The following SLC44A5 variants were observed in gnomAD, a reference collection of about 807,000 sequenced individuals.
The protein encoded by SLC44A5 is choline transporter-like protein 5.
Under a neutral mutation model 101.8 loss-of-function variants are expected in SLC44A5, and 57 were observed. That is an observed-to-expected ratio of 0.56 (90% confidence interval 0.45 to 0.70). The LOEUF (loss-of-function observed/expected upper bound fraction) is 0.70, where lower values mean the gene tolerates loss of function less well. Ranked by LOEUF, SLC44A5 falls within the 30% of genes least tolerant of loss-of-function variation. The probability of loss-of-function intolerance (pLI) is 0.00; values close to 1 mark genes in which losing one functional copy is unlikely to be tolerated. For missense variants in SLC44A5, 737 were observed against 853.1 expected (o/e 0.86, Z 1.70); for synonymous variants, 281 against 290.9 (o/e 0.97, Z 0.35).
chr1:75,244,775 G>C (rs532495398), intron 7 of SLC44A5, among the ~76,000 whole-genome samples: 1 of 152,172 alleles, frequency 6.6e-6, no homozygotes, highest in Non-Finnish European at 1.5e-5. Context: ...AATCAGAGGA[G>C]ATACACTATT....
At chr1:75,515,475 G>A (rs1002997865) in intron 2 of SLC44A5, among the ~76,000 whole-genome samples, 6 of 151,894 alleles carry the variant, frequency 4.0e-5, no homozygotes, top group South Asian at 4.2e-4. Context: ...TCTACCTTCC[G>A]CTTCTGTTAG....
In SLC44A5 at chr1:75,219,808, C is replaced by T. The variant is rs769375914; in HGVS notation, c.1170G>A (p.Val390=). The part of the protein sequence containing the change: ...LLSICICYWV[V]TAVFLATSGV... ...CAATTACCAAAGGATACACTGCTGT[C>T]ACGACCCAGTAGCAAATGCAGATTG... is the stretch of plus-strand genomic sequence containing the variant. Residue 390 remains valine, a synonymous_variant, in exon 15 of 24, where the codon GTG becomes GTA. Coordinates refer to ENST00000370859, the MANE Select transcript of SLC44A5 (RefSeq NM_001130058.2). 6.2e-7 allele frequency: 1 copy of T among 1,611,266 alleles called. No homozygotes were observed. Among genetic ancestry groups the T allele is most frequent in the South Asian group, 1.1e-5 (1 of 90,794 alleles).
the SLC44A5 span, among the ~76,000 whole-genome samples, chr1:75,664,143 CA>C: frequency 6.6e-6 from 1 of 152,134 alleles, no homozygotes; most frequent in South Asian, 2.1e-4. Context: ...AACTAGATAT[CA>C]AAAGAATATA....
intron 2 of SLC44A5, among the ~76,000 whole-genome samples, chr1:75,422,455 GT>G (rs1382702792): frequency 3.3e-5 from 5 of 152,190 alleles, no homozygotes; most frequent in African/African-American, 1.2e-4. Context: ...TGATGAGCTA[GT>G]TTTGTTTCAC....
intron 2 of SLC44A5, among the ~76,000 whole-genome samples, chr1:75,540,756 C>T (rs1671314837): frequency 6.6e-6 from 1 of 151,976 alleles, no homozygotes; most frequent in Non-Finnish European, 1.5e-5. Flanking sequence ...ACAATTTGCC[C>T]TTAAGGAAAT....
intron 5 of SLC44A5, among the ~76,000 whole-genome samples, chr1:75,300,080 T>C (rs903867418): frequency 7.3e-5 from 11 of 150,882 alleles, no homozygotes; most frequent in African/African-American, 2.7e-4. Context: ...TTATTTTCAC[T>C]TTCATAGAAA....
intron 1 of SLC44A5, among the ~76,000 whole-genome samples, chr1:75,557,286 A>G (rs746305437): frequency 2.6e-5 from 4 of 152,126 alleles, no homozygotes; most frequent in Non-Finnish European, 5.9e-5. Flanking sequence ...ATCCAGAGAA[A>G]CATGGATTTG....
chr1:75,355,125 TTC>T (rs1351614213), intron 3 of SLC44A5, among the ~76,000 whole-genome samples: 2 of 152,200 alleles, frequency 1.3e-5, no homozygotes, highest in Non-Finnish European at 2.9e-5. Flanking sequence ...AAGTATGGAA[TTC>T]TCTGTGTTTA....
the SLC44A5 span, among the ~76,000 whole-genome samples, chr1:75,657,991 T>C: frequency 6.6e-6 from 1 of 152,320 alleles, no homozygotes; most frequent in East Asian, 1.9e-4. Flanking sequence ...ATGCAAACTG[T>C]TGCATAATAC....
chr1:75,472,381 C>T (rs569975793), intron 2 of SLC44A5, among the ~76,000 whole-genome samples: 191 of 152,184 alleles, frequency 1.3e-3, no homozygotes, highest in African/African-American at 4.4e-3. Context: ...TTAATAACAT[C>T]TTTGAGGGTT....
At chr1:75,300,343 G>C (rs1471768430) in intron 5 of SLC44A5, among the ~76,000 whole-genome samples, 1 of 152,080 alleles carries the variant, frequency 6.6e-6, no homozygotes, top group Non-Finnish European at 1.5e-5. Flanking sequence ...AAGTAACAAT[G>C]ATTAAAAAGA....
chr1:75,535,144 A>C (rs1471032123), intron 2 of SLC44A5, among the ~76,000 whole-genome samples: 1 of 151,612 alleles, frequency 6.6e-6, no homozygotes, highest in Non-Finnish European at 1.5e-5. Flanking sequence ...CTGCTTACCT[A>C]AGGAAACCAG....
Position 75,203,733 on chromosome 1 carries a change from C to T in SLC44A5, c.2148G>A (p.Lys716=), listed in dbSNP as rs1022379858. 3.2e-6 allele frequency: 5 copies of T among 1,548,398 alleles called. No homozygotes were observed. Among genetic ancestry groups the T allele is most frequent in the African/African-American group, 1.4e-5 (1 of 72,882 alleles). The change falls in exon 24 of 24, where the codon AAG becomes AAA. Residue 716 remains lysine, a synonymous_variant. Transcript: ENST00000370859. ...IFQEENPQTR[K]Q The stretch of plus-strand genomic sequence containing the variant: ...GGACGACCAGTTTGCTCTTCTACTG[C>T]TTCCTAGTTTGTGGATTTTCCTCCT...
chr1:75,332,476 CT>C (rs1359214644), intron 4 of SLC44A5, among the ~76,000 whole-genome samples: 6 of 152,174 alleles, frequency 3.9e-5, no homozygotes, highest in Middle Eastern at 3.4e-3. Context: ...TATAGTTGTC[CT>C]TTTTTTCTTT....
intron 2 of SLC44A5, among the ~76,000 whole-genome samples, chr1:75,442,911 C>T (rs1162481512): frequency 3.9e-5 from 6 of 152,180 alleles, no homozygotes; most frequent in Admixed American, 3.3e-4. Context: ...TAATTTTAAA[C>T]TCCATAAGTT....
the SLC44A5 span, among the ~76,000 whole-genome samples, chr1:75,722,305 G>T: frequency 7.9e-5 from 12 of 152,244 alleles, no homozygotes; most frequent in Admixed American, 1.3e-4. Context: ...CGTCTAATTA[G>T]GAATAAACAG....
intron 15 of SLC44A5, 120 bp downstream of exon 15, chr1:75,219,680 A>T: frequency 1.5e-6 from 1 of 654,968 alleles, no homozygotes; most frequent in South Asian, 2.1e-5. Context: ...TGGGAAAAAA[A>T]TAGTTATTTC....
the SLC44A5 span, among the ~76,000 whole-genome samples, chr1:75,652,252 C>T: frequency 6.6e-6 from 1 of 152,146 alleles, no homozygotes; most frequent in African/African-American, 2.4e-5. Context: ...GGATGTACAC[C>T]AACATATAAA....
At chr1:75,317,711 C>T (rs552689036) in intron 4 of SLC44A5, among the ~76,000 whole-genome samples, 1 of 152,222 alleles carries the variant, frequency 6.6e-6, no homozygotes, top group South Asian at 2.1e-4. Context: ...CCTGCATGGT[C>T]AGGTTCTGGT....
Sources: gnomAD v4.1 joint callset for allele counts (sites outside exome capture counted in the v4.1 genomes callset) on GRCh38, gnomAD v4.1.1 for gene constraint, MANE v1.5 for transcripts, NCBI Gene and HGNC (gene_info 2026-07-23, HGNC 2026-07-21) for gene names.